Variants in TANGO6 observed in about 807,000 individuals in gnomAD.
TANGO6 encodes transport and golgi organization 6 homolog.
In TANGO6, 90 loss-of-function variants were observed where a neutral mutation model predicts 114.2. The ratio of observed to expected loss-of-function variants is 0.79; its 90% CI spans 0.66 to 0.94. The LOEUF (loss-of-function observed/expected upper bound fraction) is 0.94, where lower values mean the gene tolerates loss of function less well. TANGO6 is among the 40% of genes least tolerant of loss of function. The pLI is 0.00. For missense variants in TANGO6, 1,274 were observed against 1,315.3 expected, an observed-to-expected ratio of 0.97 and a Z score of 0.49; for synonymous variants, 477 against 509.8, an observed-to-expected ratio of 0.94 and a Z score of 0.87.
chr16:69,020,158 T>C (rs1256821639), intron 15 of TANGO6, among the ~76,000 whole-genome samples: 2 of 152,194 alleles, frequency 1.3e-5, no homozygotes, highest in Non-Finnish European at 2.9e-5. Flanking sequence ...TACTGAATAC[T>C]AATTATTTCC....
intron 14 of TANGO6, among the ~76,000 whole-genome samples, chr16:68,943,613 C>T (rs915572031): frequency 2.0e-5 from 3 of 152,094 alleles, no homozygotes; most frequent in Non-Finnish European, 2.9e-5. Flanking sequence ...GATCTGCCCT[C>T]CTTGGCCTCC....
At chr16:69,014,376 C>G (rs1959254947) in intron 15 of TANGO6, among the ~76,000 whole-genome samples, 2 of 152,140 alleles carry the variant, frequency 1.3e-5, no homozygotes, top group Non-Finnish European at 2.9e-5. Flanking sequence ...CTTCACAACT[C>G]CTTGTCCAGA....
In TANGO6 at chr16:68,857,631, C is replaced by G. The variant is rs549107713; in HGVS notation, c.95-2253C>G. On this transcript the variant is annotated intron_variant, in intron 1 of 17. Transcript: ENST00000261778. ...AAGTGGCTATACTATTTTGCATTCC[C>G]ACCAGCAATGAATGAGAGTTCCTGT... is the stretch of plus-strand genomic sequence containing the variant. Among the ~76,000 whole-genome samples the G allele has an allele frequency of 6.6e-5, 10 of 152,264 alleles. No individual in the cohort carries two copies. The East Asian group carries it at 1.9e-3, about 29-fold the overall frequency.
chr16:68,949,702 G>C (rs1963452569), intron 14 of TANGO6, among the ~76,000 whole-genome samples: 1 of 152,000 alleles, frequency 6.6e-6, no homozygotes, highest in East Asian at 1.9e-4. Context: ...ATGTAAAATG[G>C]TACAGTTGCT....
intron 14 of TANGO6, among the ~76,000 whole-genome samples, chr16:68,955,276 A>G (rs1211814762): frequency 6.6e-6 from 1 of 152,234 alleles, no homozygotes; most frequent in African/African-American, 2.4e-5. Flanking sequence ...CAGTTTGCAA[A>G]ATTATTAAGT....
At chr16:68,947,085 CT>C (rs1042297135) in intron 14 of TANGO6, among the ~76,000 whole-genome samples, 10 of 152,132 alleles carry the variant, frequency 6.6e-5, no homozygotes, top group Middle Eastern at 3.2e-3. Context: ...TAATCTTAAT[CT>C]TATTTTTCCC....
At chr16:68,851,365 G>T (rs1961900088) in intron 1 of TANGO6, among the ~76,000 whole-genome samples, 1 of 152,148 alleles carries the variant, frequency 6.6e-6, no homozygotes, top group Non-Finnish European at 1.5e-5. Flanking sequence ...TCACCATGTT[G>T]GTCAGGCTGG....
intron 15 of TANGO6, among the ~76,000 whole-genome samples, chr16:69,005,627 C>T (rs190598282): frequency 2.2e-4 from 33 of 152,084 alleles, no homozygotes; most frequent in East Asian, 3.9e-4. Flanking sequence ...GTGAAACCCC[C>T]GTCTCTACTA....
chr16:69,044,584 G>A (rs575564585), intron 17 of TANGO6, among the ~76,000 whole-genome samples: 26 of 152,268 alleles, frequency 1.7e-4, no homozygotes, highest in African/African-American at 5.8e-4. Flanking sequence ...TCTGGCCTGA[G>A]GAACCAGGAG....
rs952461072 is a variant in TANGO6, at chr16:68,892,294, C to T, written c.1378-8140C>T. On this transcript the variant is annotated intron_variant, in intron 7 of 17. Transcript: ENST00000261778. ...AAGAATTGTAAGGCTTAACCACAGA[C>T]GCCTCATATCATAGCTGGCTGGATC... Among the ~76,000 whole-genome samples the T allele has an allele frequency of 2.6e-5, 4 of 152,104 alleles. No homozygotes were observed. The East Asian group carries it at 5.8e-4, about 22-fold the overall frequency.
intron 4 of TANGO6, 33 bp from the exon 5 acceptor site, chr16:68,875,121 G>GT (rs757566213): frequency 2.5e-6 from 4 of 1,588,008 alleles, no homozygotes; most frequent in Non-Finnish European, 2.6e-6. Context: ...GGGAATTGCT[G>GT]TGAGCTGCTA....
intron 17 of TANGO6, among the ~76,000 whole-genome samples, chr16:69,079,896 C>T (rs1292063485): frequency 6.6e-6 from 1 of 152,190 alleles, no homozygotes; most frequent in Non-Finnish European, 1.5e-5. Flanking sequence ...TACAGATATA[C>T]TTGTACATGT....
intron 1 of TANGO6, among the ~76,000 whole-genome samples, chr16:68,854,901 A>G (rs148770497): frequency 6.6e-6 from 1 of 152,238 alleles, no homozygotes; most frequent in East Asian, 1.9e-4. Flanking sequence ...AGGTTTCTAT[A>G]TAAATTTTTT....
chr16:69,044,947 G>A (rs1959828443), intron 17 of TANGO6, among the ~76,000 whole-genome samples: 1 of 151,676 alleles, frequency 6.6e-6, no homozygotes, highest in Non-Finnish European at 1.5e-5. Flanking sequence ...ATCACCTGAG[G>A]TCAGGAGTTC....
intron 1 of TANGO6, among the ~76,000 whole-genome samples, chr16:68,848,942 G>A (rs1490602493): frequency 6.6e-6 from 1 of 151,998 alleles, no homozygotes; most frequent in Non-Finnish European, 1.5e-5. Context: ...GATATCCCAG[G>A]CTCATCTGAG....
intron 7 of TANGO6, among the ~76,000 whole-genome samples, chr16:68,884,159 C>T (rs115158787): frequency 0.024 from 3,641 of 152,320 alleles, 141 homozygotes; most frequent in African/African-American, 0.083. Context: ...ATCCCCCTGC[C>T]TTGTCCTTCC....
chr16:69,031,414 A>G (rs958706592), intron 16 of TANGO6, among the ~76,000 whole-genome samples: 1 of 151,958 alleles, frequency 6.6e-6, no homozygotes, highest in Non-Finnish European at 1.5e-5. Context: ...TAATAGTCAT[A>G]GCAAGGCTGG....
chr16:68,973,781 G>T, intron 14 of TANGO6: 1 of 502,206 alleles, frequency 2.0e-6, no homozygotes, highest in Non-Finnish European at 3.6e-6. Context: ...ATCATAGAAC[G>T]TCAGTGCTGG....
intron 11 of TANGO6, among the ~76,000 whole-genome samples, chr16:68,918,613 TA>T (rs1480714328): frequency 6.6e-6 from 1 of 152,276 alleles, no homozygotes; most frequent in Non-Finnish European, 1.5e-5. Context: ...TTTGGAAAAG[TA>T]TGAATAGGCT....
Sources: gnomAD v4.1 joint callset for allele counts (sites outside exome capture counted in the v4.1 genomes callset) on GRCh38, gnomAD v4.1.1 for gene constraint, MANE v1.5 for transcripts, NCBI Gene and HGNC (gene_info 2026-07-23, HGNC 2026-07-21) for gene names.